Variants in OTUD5 observed in about 807,000 individuals in gnomAD.
The protein encoded by OTUD5 is OTU domain-containing protein 5.
In OTUD5, 2 loss-of-function variants were observed where a neutral mutation model predicts 36.3. The observed-to-expected ratio is 0.06, with a 90% CI of 0.02 to 0.17. The LOEUF is 0.17. OTUD5 is among the 10% of genes least tolerant of loss of function. The pLI, the probability that OTUD5 is intolerant of heterozygous loss-of-function variation, is 1.00. For synonymous variants in OTUD5, 234 were observed against 214.9 expected (o/e 1.09, Z -0.78); for missense variants, 233 against 512.3 (o/e 0.45, Z 5.26).
chrX:48,938,832 G>C (rs782135071), intron 2 of OTUD5, among the ~76,000 whole-genome samples: 2 of 111,622 alleles, frequency 1.8e-5, no homozygotes, highest in Admixed American at 1.9e-4. Context: ...TCTGAGGTTG[G>C]GGGGATGACC....
chrX:48,922,967 C>T lies in OTUD5; in HGVS notation c.*207G>A. On this transcript the variant is annotated 3_prime_UTR_variant, in exon 9 of 9. Coordinates refer to ENST00000376488, the MANE Select transcript of OTUD5 (RefSeq NM_001136157.2). ...TGGGGTGGGGGGCAACAGGGCACAT[C>T]AGCTGGCAGAGAGACAGGTGATAGT... 1 of 1,066,822 alleles carries T rather than the reference C, an allele frequency of 9.4e-7. No homozygotes were observed. The highest frequency in any genetic ancestry group is 1.2e-6 in the Non-Finnish European group (1 of 826,058). 87.9% of individuals were successfully genotyped at this position (1,066,822 alleles called of 1,213,427 possible). A position where few individuals can be genotyped will look rare whatever the true frequency, so the allele number is the denominator to read the frequency against.
chrX:48,930,498 A>G (rs1422391700), intron 5 of OTUD5, among the ~76,000 whole-genome samples: 3 of 112,236 alleles, frequency 2.7e-5, no homozygotes, highest in Admixed American at 9.4e-5. Context: ...ACAGGTAGAA[A>G]TATTTATAGA....
intron 5 of OTUD5, among the ~76,000 whole-genome samples, chrX:48,933,131 C>A (rs2063781647): frequency 8.9e-6 from 1 of 111,820 alleles, no homozygotes; most frequent in Admixed American, 9.5e-5. Context: ...CTAGAAAAGG[C>A]AAAACGAGAG....
Position 48,923,847 on chromosome X carries a change from T to C in OTUD5, c.1465+4A>G. The stretch of plus-strand genomic sequence containing the variant: ...AGCACATTCCCTGTGGGCAAGTCAC[T>C]GACCTGGCGCACAGGGCGAAGGAGG... On this transcript the variant is annotated splice_donor_region_variant and intron_variant, in intron 7 of 8. Transcript: ENST00000376488. 1 of 1,211,177 alleles carries C rather than the reference T, an allele frequency of 8.3e-7. No homozygotes were observed. Among genetic ancestry groups the C allele is most frequent in the Non-Finnish European group, 1.1e-6 (1 of 894,683 alleles).
intron 5 of OTUD5, among the ~76,000 whole-genome samples, chrX:48,927,342 T>C (rs1225014714): frequency 9.0e-6 from 1 of 110,665 alleles, no homozygotes; most frequent in African/African-American, 3.3e-5. Context: ...TGCAATTCAA[T>C]ACCCAGAGAC....
intron 2 of OTUD5, among the ~76,000 whole-genome samples, chrX:48,935,263 G>C (rs1265830498): frequency 8.9e-6 from 1 of 112,059 alleles, no homozygotes; most frequent in African/African-American, 3.2e-5. Flanking sequence ...CTCTTGGGCA[G>C]ATGACTTTGT....
intron 2 of OTUD5, among the ~76,000 whole-genome samples, chrX:48,935,437 CAG>C (rs782577111): frequency 2.7e-5 from 3 of 110,680 alleles, no homozygotes; most frequent in East Asian, 5.6e-4. Flanking sequence ...CAGTCTGTGA[CAG>C]AGTCAACTCT....
At chrX:48,924,987 C>G (rs1395036348) in intron 6 of OTUD5, among the ~76,000 whole-genome samples, 1 of 111,498 alleles carries the variant, frequency 9.0e-6, no homozygotes, top group African/African-American at 3.3e-5. Flanking sequence ...GAATAAAACT[C>G]AGCTCCTTCA....
chrX:48,942,055 C>T (rs373436716), intron 2 of OTUD5, among the ~76,000 whole-genome samples: 17 of 110,049 alleles, frequency 1.5e-4, no homozygotes, highest in South Asian at 7.7e-4. Flanking sequence ...AGTAGAGGCC[C>T]CTTACTGAAG....
chrX:48,933,416 CTTT>C (rs61012379), intron 5 of OTUD5, among the ~76,000 whole-genome samples: 4 of 90,669 alleles, frequency 4.4e-5, no homozygotes, highest in African/African-American at 3.8e-5. Context: ...ATATTTGTAA[CTTT>C]TTTTTTTTTT....
chrX:48,923,364 C>G lies in OTUD5; in HGVS notation c.1580-69G>C, dbSNP rs939733197. ...AGCCTGCCTTCTCCTCACCCTGTGC[C>G]GACATCTGGGGCTCTGGAGAAATCC... is the stretch of plus-strand genomic sequence containing the variant. On this transcript the variant is annotated intron_variant, in intron 8 of 8. Transcript: ENST00000376488. 7 of 883,306 alleles carry G rather than the reference C, an allele frequency of 7.9e-6. No individual in the cohort carries two copies. In the Admixed American group the frequency reaches 1.4e-4, roughly 18 times the overall value. The allele number at this position is 883,306 out of a possible 1,213,427, so 72.8% of individuals were successfully genotyped here.
Position 48,957,571 on chromosome X carries a change from G to T in OTUD5, c.-1C>A, listed in dbSNP as rs2064274185. 1.2e-6 allele frequency: 1 copy of T among 823,388 alleles called. No individual in the cohort carries two copies. The allele number at this position is 823,388 out of a possible 1,213,427, so 67.9% of individuals were successfully genotyped here. A position where few individuals can be genotyped will look rare whatever the true frequency, so the allele number is the denominator to read the frequency against. On this transcript the variant is annotated 5_prime_UTR_variant, in exon 1 of 9. Transcript: ENST00000376488. ...GCTTCTTTTTGGGGAGTATAGTCAT[G>T]GCTGCACTGCCGAGTACCCCCCAAC...
chrX:48,937,332 C>T (rs1557050182), intron 2 of OTUD5, among the ~76,000 whole-genome samples: 1 of 112,048 alleles, frequency 8.9e-6, no homozygotes, highest in African/African-American at 3.2e-5. Context: ...GGAGGCAGTG[C>T]TGTTGGCAGC....
chrX:48,956,616 C>G (rs2064246189), intron 1 of OTUD5, among the ~76,000 whole-genome samples: 1 of 111,170 alleles, frequency 9.0e-6, no homozygotes, highest in Non-Finnish European at 1.9e-5. Context: ...GAACACATAC[C>G]TAAGTCTCTT....
chrX:48,941,728 C>T (rs996469050), intron 2 of OTUD5, among the ~76,000 whole-genome samples: 2 of 111,549 alleles, frequency 1.8e-5, no homozygotes, highest in African/African-American at 6.5e-5. Flanking sequence ...CAACACATGG[C>T]AGGAAGTCAG....
At position 48,923,999 on chromosome X, in the gene OTUD5, G is replaced by T; in HGVS notation, c.1317C>A (p.Gly439=). 2 of 1,208,422 alleles carry T rather than the reference G, an allele frequency of 1.7e-6. No homozygotes were observed. The highest frequency in any genetic ancestry group is 5.9e-5 in the East Asian group (2 of 33,706). ...GGGACCGGCTAGTCCACTCCTCCAG[G>T]CCACTGGAGGCTGCTGCTGTGGCCG... ...CSSATAAASS[G]LEEWTSRSPR... Residue 439 remains glycine, a synonymous_variant, in exon 7 of 9, where the codon GGC becomes GGA. Transcript: ENST00000376488.
At position 48,923,913 on chromosome X, in the gene OTUD5, A is replaced by G; in HGVS notation, c.1403T>C (p.Met468Thr). The G allele has an allele frequency of 1.4e-5, 17 of 1,212,161 alleles. No homozygotes were observed. The highest frequency in any genetic ancestry group is 1.9e-5 in the Non-Finnish European group (17 of 895,506). ...EHPELHAELG[M>T]KPPSPGTVLA... Reference sequence around the variant, plus strand: ...AACAGTGCCTGGGGAAGGGGGCTTCATGCCCAATTCAGCATGCAGCTCAGG... The same window carrying G: ...AACAGTGCCTGGGGAAGGGGGCTTCGTGCCCAATTCAGCATGCAGCTCAGG... The change falls in exon 7 of 9, where the codon ATG (methionine) becomes ACG (threonine). Residue 468 changes from methionine (M) to threonine (T), a missense_variant. This residue lies in a region of OTUD5 where 57 missense variants were observed against 133.1 expected (regional missense o/e 0.43). Transcript: ENST00000376488.
chrX:48,938,694 C>CA (rs782283882), intron 2 of OTUD5, among the ~76,000 whole-genome samples: 971 of 94,873 alleles, frequency 0.01, 11 homozygotes, highest in African/African-American at 0.032. Context: ...AACTCTGTCT[C>CA]AAAAAAAAAA....
chrX:48,956,446 G>C (rs2064241849), intron 1 of OTUD5, among the ~76,000 whole-genome samples: 1 of 111,378 alleles, frequency 9.0e-6, no homozygotes, highest in Admixed American at 9.5e-5. Flanking sequence ...CAGCGAAGCG[G>C]GAGAGGATTG....
Sources: gnomAD v4.1 joint callset for allele counts (sites outside exome capture counted in the v4.1 genomes callset) on GRCh38, gnomAD v4.1.1 for gene constraint, gnomAD v4.1.1 regional missense constraint, MANE v1.5 for transcripts, NCBI Gene and HGNC (gene_info 2026-07-23, HGNC 2026-07-21) for gene names.